ITPR2: variants seen among roughly 807,000 people sequenced by gnomAD.
The protein encoded by ITPR2 is inositol 1,4,5-trisphosphate-gated calcium channel ITPR2.
A neutral mutation model predicts 317.1 loss-of-function variants in ITPR2; 207 were observed. The observed-to-expected ratio is 0.65, with a 90% CI of 0.58 to 0.73. The LOEUF (loss-of-function observed/expected upper bound fraction) is 0.73. Ranked by LOEUF, ITPR2 falls within the 30% of genes least tolerant of loss-of-function variation. The pLI is 0.00. For synonymous variants in ITPR2, 1,156 were observed against 1,149.1 expected (o/e 1.01, Z -0.12); for missense variants, 2,613 against 3,284.0 (o/e 0.80, Z 4.99).
intron 37 of ITPR2, among the ~76,000 whole-genome samples, chr12:26,538,519 C>T (rs1467613196): frequency 6.6e-6 from 1 of 152,112 alleles, no homozygotes; most frequent in African/African-American, 2.4e-5. Flanking sequence ...ATCAGAAAAC[C>T]TTGATTCATA....
At chr12:26,812,174 A>T (rs1190990591) in intron 1 of ITPR2, among the ~76,000 whole-genome samples, 1 of 151,238 alleles carries the variant, frequency 6.6e-6, no homozygotes, top group Non-Finnish European at 1.5e-5. Context: ...AAAAAAAAAA[A>T]AAAGTAAAGA....
intron 27 of ITPR2, 53 bp from the exon 28 acceptor site, chr12:26,602,548 T>C (rs1018224182): frequency 5.7e-6 from 9 of 1,574,016 alleles, no homozygotes; most frequent in African/African-American, 5.5e-5. Flanking sequence ...ATATTAAGTA[T>C]AATATATAAG....
intron 37 of ITPR2, among the ~76,000 whole-genome samples, chr12:26,511,378 G>T (rs1049960524): frequency 5.9e-5 from 9 of 152,166 alleles, no homozygotes; most frequent in African/African-American, 2.2e-4. Flanking sequence ...CAGTACTCTG[G>T]ACTTCTCCTT....
chr12:26,444,406 T>A (rs1941560208), intron 45 of ITPR2, among the ~76,000 whole-genome samples: 1 of 152,130 alleles, frequency 6.6e-6, no homozygotes, highest in African/African-American at 2.4e-5. Flanking sequence ...ATCTTATTAA[T>A]GCTTAAATTC....
At chr12:26,663,570 T>G in intron 15 of ITPR2, 115 bp downstream of exon 15, 1 of 1,024,322 alleles carries the variant, frequency 9.8e-7, no homozygotes, top group Non-Finnish European at 1.4e-6. Flanking sequence ...ACATAAAATA[T>G]TTCATTTCAA....
At chr12:26,535,624 T>A (rs10506002) in intron 37 of ITPR2, among the ~76,000 whole-genome samples, 22,467 of 152,214 alleles carry the variant, frequency 0.15, 2,344 homozygotes, top group Non-Finnish European at 0.23. Flanking sequence ...AGCTTAGATG[T>A]CTTCCTTGGG....
At chr12:26,463,548 C>T (rs1210437719) in intron 45 of ITPR2, among the ~76,000 whole-genome samples, 2 of 152,022 alleles carry the variant, frequency 1.3e-5, no homozygotes, top group Non-Finnish European at 2.9e-5. Context: ...ACCTGCAATC[C>T]CAGCTACTCG....
chr12:26,510,105 T>C (rs1446377502), intron 37 of ITPR2, among the ~76,000 whole-genome samples: 2 of 151,962 alleles, frequency 1.3e-5, no homozygotes, highest in Admixed American at 6.6e-5. Flanking sequence ...TTCAAAATGT[T>C]GCTCTCATCA....
At chr12:26,528,286 C>G (rs771729412) in intron 37 of ITPR2, among the ~76,000 whole-genome samples, 10 of 152,216 alleles carry the variant, frequency 6.6e-5, no homozygotes, top group Admixed American at 5.9e-4. Flanking sequence ...CAAGCCCTAA[C>G]ACTAACAAAC....
chr12:26,545,989 A>T (rs1261944939), intron 37 of ITPR2, among the ~76,000 whole-genome samples: 1 of 152,256 alleles, frequency 6.6e-6, no homozygotes, highest in Non-Finnish European at 1.5e-5. Flanking sequence ...TCATTTCAAA[A>T]CACTTAGAAT....
intron 45 of ITPR2, among the ~76,000 whole-genome samples, chr12:26,461,951 CT>C (rs76756814): frequency 0.092 from 12,043 of 130,532 alleles, 1,045 homozygotes; most frequent in African/African-American, 0.24. Flanking sequence ...CGAAGCCTGA[CT>C]TTTTTTTTTT....
chr12:26,358,505 T>C (rs989618192), intron 55 of ITPR2, among the ~76,000 whole-genome samples: 1 of 152,150 alleles, frequency 6.6e-6, no homozygotes, highest in Non-Finnish European at 1.5e-5. Flanking sequence ...CATTCTCTCT[T>C]TATTTCTTAC....
In ITPR2 at chr12:26,533,344, A is replaced by G. The variant is rs765564092; in HGVS notation, c.5073+16903T>C. Among the ~76,000 whole-genome samples the G allele has an allele frequency of 4.4e-4, 67 of 152,226 alleles. 1 individual carries two copies. The highest frequency in any genetic ancestry group is 8.2e-4 in the Non-Finnish European group (56 of 68,044). The stretch of plus-strand genomic sequence containing the variant: ...TCTTTTCTGTTTCTTCCATGGGTTT[A>G]AACCAACTTAAACAATAATGTTTAG... On this transcript the variant is annotated intron_variant, in intron 37 of 56. Transcript: ENST00000381340.
chr12:26,826,159 G>C (rs1951006971), intron 1 of ITPR2, among the ~76,000 whole-genome samples: 1 of 152,124 alleles, frequency 6.6e-6, no homozygotes, highest in Admixed American at 6.5e-5. Flanking sequence ...CTAGAACTTT[G>C]GGAGGCTGAG....
chr12:26,394,954 T>C (rs1289772755), intron 54 of ITPR2, among the ~76,000 whole-genome samples: 1 of 152,012 alleles, frequency 6.6e-6, no homozygotes, highest in East Asian at 1.9e-4. Context: ...AATAGCAATA[T>C]GGATGTCAGG....
intron 2 of ITPR2, among the ~76,000 whole-genome samples, chr12:26,759,436 C>T (rs775469433): frequency 9.9e-5 from 15 of 152,146 alleles, no homozygotes; most frequent in Admixed American, 2.0e-4. Flanking sequence ...AAGAGTAATT[C>T]GTAACTGTTT....
At chr12:26,588,998 T>A (rs549939314) in intron 32 of ITPR2, among the ~76,000 whole-genome samples, 17 of 152,306 alleles carry the variant, frequency 1.1e-4, no homozygotes, top group Non-Finnish European at 1.5e-5. Flanking sequence ...TAATAATGAC[T>A]CAAATCCCCT....
chr12:26,555,467 C>T (rs573881207), intron 36 of ITPR2, among the ~76,000 whole-genome samples: 1 of 152,286 alleles, frequency 6.6e-6, no homozygotes, highest in South Asian at 2.1e-4. Context: ...CCTGCGGATC[C>T]CCCTCAATAA....
At chr12:26,540,436 T>C (rs1163166065) in intron 37 of ITPR2, among the ~76,000 whole-genome samples, 1 of 152,236 alleles carries the variant, frequency 6.6e-6, no homozygotes, top group Non-Finnish European at 1.5e-5. Flanking sequence ...TAGTTCCTTA[T>C]TCTCTTCTCC....
Sources: allele counts gnomAD v4.1 joint callset (sites outside exome capture counted in the v4.1 genomes callset), GRCh38; gene constraint gnomAD v4.1.1; transcripts MANE v1.5; gene names NCBI Gene and HGNC (gene_info 2026-07-23, HGNC 2026-07-21).